KANSL2: variants seen among roughly 807,000 people sequenced by gnomAD.
KANSL2 encodes KAT8 regulatory NSL complex subunit 2.
In KANSL2, 34 loss-of-function variants were observed where a neutral mutation model predicts 55.6. That is an observed-to-expected ratio of 0.61 (90% CI 0.46 to 0.81). The LOEUF (loss-of-function observed/expected upper bound fraction) is 0.81, where lower values mean the gene tolerates loss of function less well. KANSL2 is among the 40% of genes least tolerant of loss of function. KANSL2 has a pLI of 0.00. For missense variants in KANSL2, 502 were observed against 609.9 expected (o/e 0.82, Z 1.86); for synonymous variants, 209 against 214.3 (o/e 0.98, Z 0.22).
At chr12:48,669,307 G>C in intron 5 of KANSL2, 35 bp from the exon 6 acceptor site, 1 of 1,483,724 alleles carries the variant, frequency 6.7e-7, no homozygotes, top group Non-Finnish European at 9.0e-7. Context: ...TATTTGCCAA[G>C]CAATCCATCA....
At chr12:48,670,830 G>A (rs1939699182) in intron 5 of KANSL2, among the ~76,000 whole-genome samples, 1 of 152,124 alleles carries the variant, frequency 6.6e-6, no homozygotes, top group Admixed American at 6.5e-5. Context: ...TTAGCTGAGT[G>A]TGGTGGTGCA....
chr12:48,681,336 C>A (rs780394082), intron 2 of KANSL2, 46 bp downstream of exon 2: 27 of 1,552,628 alleles, frequency 1.7e-5, no homozygotes, highest in African/African-American at 8.2e-5. Context: ...ATATCACATA[C>A]CCCCTCGCTT....
Position 48,671,979 on chromosome 12 carries a change from T to C in KANSL2, c.546-17A>G. 1 of 1,545,348 alleles carries C rather than the reference T, an allele frequency of 6.5e-7. No homozygotes were observed. The highest frequency in any genetic ancestry group is 8.8e-7 in the Non-Finnish European group (1 of 1,142,530). On this transcript the variant is annotated splice_polypyrimidine_tract_variant and intron_variant, in intron 4 of 9. Transcript: ENST00000420613. Reference sequence around the variant, plus strand: ...CCAGCATGTCTGGAATAAAACAGAATTCAGCAAAGCATAAGAAAACAATAA... The same window carrying C: ...CCAGCATGTCTGGAATAAAACAGAACTCAGCAAAGCATAAGAAAACAATAA...
chr12:48,670,126 G>A (rs1236363612), intron 5 of KANSL2, among the ~76,000 whole-genome samples: 12 of 151,338 alleles, frequency 7.9e-5, no homozygotes, highest in Admixed American at 2.0e-4. Flanking sequence ...GCTTGAACCC[G>A]GGAGGTGGAG....
At chr12:48,665,644 TATTTA>T (rs756949191) in intron 7 of KANSL2, among the ~76,000 whole-genome samples, 3 of 152,236 alleles carry the variant, frequency 2.0e-5, no homozygotes, top group East Asian at 1.9e-4. Context: ...CCAGCAATCC[TATTTA>T]ATTAACAAGT....
intron 4 of KANSL2, among the ~76,000 whole-genome samples, chr12:48,674,847 A>T (rs996928776): frequency 2.0e-5 from 3 of 151,966 alleles, no homozygotes; most frequent in African/African-American, 7.2e-5. Flanking sequence ...AATCACTTGA[A>T]CCTGGTAGGC....
intron 1 of KANSL2, 65 bp from the exon 2 acceptor site, chr12:48,681,706 T>C: frequency 3.7e-6 from 6 of 1,604,084 alleles, no homozygotes; most frequent in Non-Finnish European, 5.1e-6. Context: ...TCCACACAGA[T>C]CGCGCGGACA....
chr12:48,679,985 A>C, intron 2 of KANSL2, 152 bp from the exon 3 acceptor site: 1 of 657,140 alleles, frequency 1.5e-6, no homozygotes, highest in Non-Finnish European at 2.5e-6. Context: ...TAACTGGCCC[A>C]AGGTCAACTC....
At position 48,660,596 on chromosome 12, in the gene KANSL2, C is replaced by A; in HGVS notation, c.997G>T (p.Val333Phe). Residue 333 changes from valine (V) to phenylalanine (F), a missense_variant, in exon 8 of 10, where the codon GTT (valine) becomes TTT (phenylalanine). Coordinates refer to ENST00000420613, the MANE Select transcript of KANSL2 (RefSeq NM_017822.4). Reference sequence around the variant, plus strand: ...GATCCCTGGCAGCACTTGAAGAGAACCTGATTCGTATCCTGACAAATATCT... The same window carrying A: ...GATCCCTGGCAGCACTTGAAGAGAAACTGATTCGTATCCTGACAAATATCT... ...LTHICQDTNQ[V>F]LFKCCQGSEE... 6.2e-7 allele frequency: 1 copy of A among 1,613,166 alleles called. No individual in the cohort carries two copies. Among genetic ancestry groups the A allele is most frequent in the South Asian group, 1.1e-5 (1 of 90,814 alleles).
At chr12:48,661,636 A>G (rs1236531819) in intron 7 of KANSL2, among the ~76,000 whole-genome samples, 1 of 152,230 alleles carries the variant, frequency 6.6e-6, no homozygotes, top group Non-Finnish European at 1.5e-5. Flanking sequence ...TTTTAAATAA[A>G]AAAACTAACA....
intron 5 of KANSL2, among the ~76,000 whole-genome samples, chr12:48,670,696 T>C (rs1045397503): frequency 6.6e-6 from 1 of 152,246 alleles, no homozygotes; most frequent in African/African-American, 2.4e-5. Flanking sequence ...CCAGGTGCAG[T>C]GGCTCATGCC....
chr12:48,669,113 G>A lies in KANSL2; in HGVS notation c.869C>T (p.Ala290Val), dbSNP rs539158846. 3.2e-6 allele frequency: 5 copies of A among 1,543,686 alleles called. No homozygotes were observed. In the African/African-American group the frequency reaches 5.5e-5, roughly 17 times the overall value. The change falls in exon 6 of 10, where the codon GCC becomes GTC. Residue 290 changes from alanine to valine, a missense_variant. Transcript: ENST00000420613. ...ERRMLATDGA[A>V]QQAHTTRSSQ... ...GGTATACACACAAATTACCTGTTGG[G>A]CAGCACCATCTGTGGCCAGCATTCT...
At chr12:48,663,169 A>T (rs570210951) in intron 7 of KANSL2, among the ~76,000 whole-genome samples, 2 of 152,350 alleles carry the variant, frequency 1.3e-5, no homozygotes, top group South Asian at 4.1e-4. Context: ...TTGGAAGAAT[A>T]TTTCATGTAA....
chr12:48,667,747 C>T lies in KANSL2; in HGVS notation c.919G>A (p.Asp307Asn). Reference protein sequence around the residue: ...RSSQRCLAFVDDVRCSNQSLP... With the variant: ...RSSQRCLAFVNDVRCSNQSLP... ...GACTGATTGGAACAACGAACATCATCCACAAAGGCCAAGCACCTCTGACTG... is the reference window on the plus strand; with the variant it reads ...GACTGATTGGAACAACGAACATCATTCACAAAGGCCAAGCACCTCTGACTG... Residue 307 changes from aspartate (D) to asparagine (N), a missense_variant, in exon 7 of 10, where the codon GAT becomes AAT. Physicochemically the swap from Asp to Asn is conservative, Grantham distance 23 (BLOSUM62 1). Coordinates refer to ENST00000420613, the MANE Select transcript of KANSL2 (RefSeq NM_017822.4). 6.2e-7 allele frequency: 1 copy of T among 1,613,904 alleles called. No homozygotes were observed. Among genetic ancestry groups the T allele is most frequent in the East Asian group, 2.2e-5 (1 of 44,878 alleles).
intron 9 of KANSL2, 47 bp from the exon 10 acceptor site, chr12:48,654,222 G>A (rs377129348): frequency 1.3e-6 from 2 of 1,566,696 alleles, no homozygotes; most frequent in African/African-American, 2.7e-5. Flanking sequence ...CATTCACTGT[G>A]GTCTGAAGTA....
At chr12:48,670,507 CGT>C (rs1939691495) in intron 5 of KANSL2, among the ~76,000 whole-genome samples, 1 of 151,928 alleles carries the variant, frequency 6.6e-6, no homozygotes, top group East Asian at 1.9e-4. Flanking sequence ...GGCTAATGTA[CGT>C]GTTTGCATCT....
At chr12:48,664,607 A>C (rs1395526691) in intron 7 of KANSL2, among the ~76,000 whole-genome samples, 10 of 79,356 alleles carry the variant, frequency 1.3e-4, no homozygotes, top group African/African-American at 4.6e-4. Flanking sequence ...TTTGAGATGG[A>C]GTCTCACTCT....
At chr12:48,671,758 T>G (rs1156624022) in intron 5 of KANSL2, 41 bp downstream of exon 5, 2 of 1,573,246 alleles carry the variant, frequency 1.3e-6, no homozygotes, top group Non-Finnish European at 1.7e-6. Flanking sequence ...AATTCACATG[T>G]TAAACCCACA....
At chr12:48,670,195 T>TGA (rs1555155196) in intron 5 of KANSL2, among the ~76,000 whole-genome samples, 7 of 98,082 alleles carry the variant, frequency 7.1e-5, no homozygotes, top group Non-Finnish European at 1.4e-4. Flanking sequence ...TGAGACTATA[T>TGA]CACAAAAAAA....
Sources: gnomAD v4.1 joint callset for allele counts (sites outside exome capture counted in the v4.1 genomes callset) on GRCh38, gnomAD v4.1.1 for gene constraint, MANE v1.5 for transcripts, NCBI Gene and HGNC (gene_info 2026-07-23, HGNC 2026-07-21) for gene names.